Variants in EPHA3 observed in about 807,000 individuals in gnomAD.
EPHA3 encodes EPH receptor A3.
In EPHA3, 42 loss-of-function variants were observed where a neutral mutation model predicts 107.1. The ratio of observed to expected loss-of-function variants is 0.39; its 90% CI spans 0.31 to 0.51. The LOEUF (loss-of-function observed/expected upper bound fraction) is 0.51, where lower values mean the gene tolerates loss of function less well. Ranked by LOEUF, EPHA3 falls within the 20% of genes least tolerant of loss-of-function variation. The pLI, the probability that EPHA3 is intolerant of heterozygous loss-of-function variation, is 0.78. For missense variants in EPHA3, 1,183 were observed against 1,211.2 expected (o/e 0.98, Z 0.35); for synonymous variants, 461 against 424.8 (o/e 1.09, Z -1.05).
chr3:89,466,931 C>G (rs1710290085), intron 15 of EPHA3, among the ~76,000 whole-genome samples: 1 of 151,976 alleles, frequency 6.6e-6, no homozygotes. Flanking sequence ...GGTGTAACGG[C>G]TATAACTTCA....
intron 2 of EPHA3, among the ~76,000 whole-genome samples, chr3:89,198,200 A>G (rs1705891784): frequency 6.6e-6 from 1 of 152,186 alleles, no homozygotes; most frequent in African/African-American, 2.4e-5. Context: ...AGGAAAACAA[A>G]CTAGTATATT....
chr3:89,266,155 G>C (rs1705534430), intron 3 of EPHA3, among the ~76,000 whole-genome samples: 1 of 152,082 alleles, frequency 6.6e-6, no homozygotes, highest in African/African-American at 2.4e-5. Context: ...CATAAAGTAT[G>C]AACCCATTTA....
chr3:89,428,046 A>T (rs1277263070), intron 11 of EPHA3, among the ~76,000 whole-genome samples: 17 of 152,008 alleles, frequency 1.1e-4, no homozygotes, highest in Non-Finnish European at 2.5e-4. Flanking sequence ...TCATCATTTT[A>T]ATTTAAAATC....
intron 15 of EPHA3, among the ~76,000 whole-genome samples, chr3:89,471,660 G>A (rs750345497): frequency 3.3e-5 from 5 of 151,970 alleles, no homozygotes; most frequent in South Asian, 2.1e-4. Context: ...CACTGCGCCC[G>A]GCCCTTTTTC....
chr3:89,322,570 T>A (rs1240555012), intron 3 of EPHA3, among the ~76,000 whole-genome samples: 2 of 152,082 alleles, frequency 1.3e-5, no homozygotes, highest in Non-Finnish European at 2.9e-5. Flanking sequence ...GGACGAGATG[T>A]AGAGGGAAGG....
At chr3:89,298,336 T>A (rs1249689327) in intron 3 of EPHA3, among the ~76,000 whole-genome samples, 3 of 152,164 alleles carry the variant, frequency 2.0e-5, no homozygotes, top group Non-Finnish European at 4.4e-5. Flanking sequence ...TTGGTCTCCC[T>A]GGACTTTCAT....
intron 2 of EPHA3, among the ~76,000 whole-genome samples, chr3:89,144,695 T>C (rs1704497836): frequency 6.6e-6 from 1 of 151,792 alleles, no homozygotes; most frequent in Non-Finnish European, 1.5e-5. Context: ...AATGGAGTGC[T>C]GAATACTAGG....
Position 89,479,472 on chromosome 3 carries a change from G to A in EPHA3, c.2922G>A (p.Thr974=), listed in dbSNP as rs753947230. Residue 974 remains threonine, a synonymous_variant, in exon 17 of 17, where the codon ACG becomes ACA. Transcript: ENST00000336596. ...KIISSIKALE[T]QSKNGPVPV The stretch of plus-strand genomic sequence containing the variant: ...TCAGTAGCATTAAAGCTCTAGAAAC[G>A]CAATCAAAGAATGGCCCAGTTCCCG... The A allele has an allele frequency of 1.7e-5, 28 of 1,613,942 alleles. No homozygotes were observed. The Admixed American group carries it at 4.0e-4, about 23-fold the overall frequency.
chr3:89,119,529 C>T (rs1444726890), intron 1 of EPHA3, among the ~76,000 whole-genome samples: 5 of 152,002 alleles, frequency 3.3e-5, no homozygotes, highest in Admixed American at 3.3e-4. Context: ...AACCCAAAAA[C>T]AAGTCTTGAA....
intron 11 of EPHA3, among the ~76,000 whole-genome samples, chr3:89,427,059 G>C (rs1384369008): frequency 6.6e-6 from 1 of 151,660 alleles, no homozygotes; most frequent in Non-Finnish European, 1.5e-5. Flanking sequence ...AATTCTGGGG[G>C]CTCAAGGTTT....
intron 3 of EPHA3, among the ~76,000 whole-genome samples, chr3:89,318,030 C>A (rs1178213584): frequency 6.6e-6 from 1 of 151,758 alleles, no homozygotes; most frequent in Non-Finnish European, 1.5e-5. Flanking sequence ...GTAACAATTT[C>A]CGTTATTTGA....
At chr3:89,120,883 C>T (rs1178620635) in intron 1 of EPHA3, among the ~76,000 whole-genome samples, 1 of 152,158 alleles carries the variant, frequency 6.6e-6, no homozygotes, top group East Asian at 1.9e-4. Flanking sequence ...CATAAATAGG[C>T]TGTTAAAATA....
intron 3 of EPHA3, among the ~76,000 whole-genome samples, chr3:89,280,222 C>A (rs1705908386): frequency 1.3e-5 from 2 of 152,096 alleles, no homozygotes; most frequent in Admixed American, 6.6e-5. Flanking sequence ...CTTTTGAATA[C>A]CATTTCATAG....
intron 3 of EPHA3, among the ~76,000 whole-genome samples, chr3:89,306,831 A>T (rs183505656): frequency 3.3e-4 from 51 of 152,318 alleles, no homozygotes; most frequent in African/African-American, 1.2e-3. Flanking sequence ...TGAAGTGGAT[A>T]CTTGCCAACT....
intron 3 of EPHA3, among the ~76,000 whole-genome samples, chr3:89,323,980 A>G (rs1456446750): frequency 1.3e-5 from 2 of 151,926 alleles, no homozygotes; most frequent in Non-Finnish European, 2.9e-5. Flanking sequence ...TACAAATACT[A>G]TAAATACCAC....
chr3:89,261,477 T>A (rs899729159), intron 3 of EPHA3, among the ~76,000 whole-genome samples: 1 of 152,168 alleles, frequency 6.6e-6, no homozygotes, highest in Non-Finnish European at 1.5e-5. Context: ...TTATTTTTCA[T>A]GTATTTTTAA....
intron 3 of EPHA3, among the ~76,000 whole-genome samples, chr3:89,325,541 C>T (rs1576312813): frequency 6.6e-6 from 1 of 152,278 alleles, no homozygotes; most frequent in East Asian, 1.9e-4. Flanking sequence ...CCTGCATGTG[C>T]CACCAAATTA....
In EPHA3 at chr3:89,472,626, A is replaced by G. The variant is rs1710429700; in HGVS notation, c.2846+7A>G. 1 of 1,600,840 alleles carries G rather than the reference A, an allele frequency of 6.2e-7. No individual in the cohort carries two copies. Among genetic ancestry groups the G allele is most frequent in the African/African-American group, 1.3e-5 (1 of 74,168 alleles). The stretch of plus-strand genomic sequence containing the variant: ...TAGCCAAGATTTCCACAGAGTAAGA[A>G]AAAAAAATTCATTAAGAAGAATGAA... On this transcript the variant is annotated splice_region_variant and intron_variant, in intron 16 of 16. Coordinates refer to ENST00000336596, the MANE Select transcript of EPHA3 (RefSeq NM_005233.6).
At chr3:89,327,620 T>C (rs1407782828) in intron 3 of EPHA3, among the ~76,000 whole-genome samples, 11 of 152,180 alleles carry the variant, frequency 7.2e-5, no homozygotes, top group Non-Finnish European at 1.6e-4. Context: ...TATTTAATTG[T>C]GCCAAATGTA....
Sources: gnomAD v4.1 joint callset for allele counts (sites outside exome capture counted in the v4.1 genomes callset) on GRCh38, gnomAD v4.1.1 for gene constraint, MANE v1.5 for transcripts, NCBI Gene and HGNC (gene_info 2026-07-23, HGNC 2026-07-21) for gene names.